LINGO2: variants seen among roughly 807,000 people sequenced by gnomAD.
LINGO2 encodes leucine-rich repeat and immunoglobulin-like domain-containing nogo receptor-interacting protein 2.
LINGO2 carries 14 observed loss-of-function variants against 30.6 expected under a neutral mutation model. That is an observed-to-expected ratio of 0.46 (90% CI 0.30 to 0.72). The LOEUF is 0.72. Among genes scored for constraint, LINGO2 ranks in the 30% least tolerant of loss-of-function variants. LINGO2 has a pLI of 0.07. For synonymous variants in LINGO2, 317 were observed against 288.5 expected (o/e 1.10, Z -1.00); for missense variants, 729 against 751.7 (o/e 0.97, Z 0.35).
At chr9:28,381,586 C>G (rs1821360988) in intron 2 of LINGO2, among the ~76,000 whole-genome samples, 1 of 151,600 alleles carries the variant, frequency 6.6e-6, no homozygotes. Flanking sequence ...GAATCAGCAC[C>G]ATCAATAAAA....
At chr9:27,958,264 G>T (rs1209995286) in intron 5 of LINGO2, among the ~76,000 whole-genome samples, 1 of 152,086 alleles carries the variant, frequency 6.6e-6, no homozygotes, top group African/African-American at 2.4e-5. Flanking sequence ...AATTTTTGAA[G>T]ATTAAACCAA....
the LINGO2 span, among the ~76,000 whole-genome samples, chr9:29,057,008 G>A: frequency 9.2e-5 from 14 of 151,964 alleles, no homozygotes; most frequent in South Asian, 6.2e-4. Flanking sequence ...GTATAAAGTC[G>A]GGTAATGTGA....
intron 5 of LINGO2, among the ~76,000 whole-genome samples, chr9:28,000,351 G>A (rs1205384422): frequency 2.0e-5 from 3 of 152,002 alleles, no homozygotes; most frequent in Non-Finnish European, 4.4e-5. Context: ...GAGCCACAGA[G>A]TGGTATTAAC....
At position 28,051,430 on chromosome 9, in the gene LINGO2, A is replaced by G. The variant is rs1824666940; in HGVS notation, c.-86-39025T>C. 3.3e-5 allele frequency among the ~76,000 whole-genome samples: 5 copies of G among 152,120 alleles called. No homozygotes were observed. The South Asian group carries it at 1.0e-3, about 31-fold the overall frequency. ...TCTGGAAACAATTCTAACAACTTTCATTTATTGACTACTTCTATGCACCAA... is the reference window on the plus strand; with the variant it reads ...TCTGGAAACAATTCTAACAACTTTCGTTTATTGACTACTTCTATGCACCAA... On this transcript the variant is annotated intron_variant, in intron 4 of 5. Transcript: ENST00000379992.
At chr9:28,803,507 A>T in the LINGO2 span, among the ~76,000 whole-genome samples, 2 of 151,906 alleles carry the variant, frequency 1.3e-5, no homozygotes, top group Admixed American at 1.3e-4. Context: ...TATGATATAA[A>T]TTTTTAATAT....
rs527839780 is a variant in LINGO2 at position 28,542,202 on chromosome 9, C to T, written c.-364-66177G>A. ...ATGGATGGAAATGGCCATACCTTTT[C>T]CACTCACTTATCAGGTGCTGGATGG... On this transcript the variant is annotated intron_variant, in intron 1 of 5. Transcript: ENST00000379992. Among the ~76,000 whole-genome samples the T allele has an allele frequency of 2.3e-4, 35 of 151,620 alleles. 1 individual carries two copies. The highest frequency in any genetic ancestry group is 7.9e-4 in the African/African-American group (33 of 41,530).
chr9:28,588,737 T>C (rs4242669), intron 1 of LINGO2, among the ~76,000 whole-genome samples: 2 of 151,916 alleles, frequency 1.3e-5, no homozygotes, highest in Non-Finnish European at 2.9e-5. Flanking sequence ...ATTTTATAGT[T>C]CCTTAAATCC....
At chr9:28,185,849 T>A (rs547572070) in intron 4 of LINGO2, among the ~76,000 whole-genome samples, 71 of 152,234 alleles carry the variant, frequency 4.7e-4, no homozygotes, top group African/African-American at 1.7e-3. Flanking sequence ...CTTTTATACT[T>A]TATAGTCTGA....
At chr9:29,091,044 G>T in the LINGO2 span, among the ~76,000 whole-genome samples, 1 of 151,938 alleles carries the variant, frequency 6.6e-6, no homozygotes, top group East Asian at 1.9e-4. Flanking sequence ...CCCAGTTAAG[G>T]TAATCATGAA....
intron 5 of LINGO2, among the ~76,000 whole-genome samples, chr9:27,993,417 A>G (rs1821496088): frequency 6.7e-6 from 1 of 149,872 alleles, no homozygotes. Context: ...TCATGCCTGT[A>G]ATCCCAACAT....
At chr9:28,024,703 A>C (rs1563921612) in intron 4 of LINGO2, among the ~76,000 whole-genome samples, 1 of 152,106 alleles carries the variant, frequency 6.6e-6, no homozygotes, top group Non-Finnish European at 1.5e-5. Context: ...CAATGTTCCA[A>C]AGTCATTGCA....
intron 2 of LINGO2, among the ~76,000 whole-genome samples, chr9:28,450,758 T>A (rs773707447): frequency 1.3e-5 from 2 of 152,040 alleles, no homozygotes; most frequent in Admixed American, 6.6e-5. Flanking sequence ...AAAAACATAA[T>A]CTTTACATTT....
chr9:28,079,355 G>A (rs1825712362), intron 4 of LINGO2, among the ~76,000 whole-genome samples: 1 of 152,140 alleles, frequency 6.6e-6, no homozygotes, highest in South Asian at 2.1e-4. Flanking sequence ...AAGACTCCAA[G>A]AATGTCTTGG....
chr9:27,974,659 A>G (rs1820511549), intron 5 of LINGO2, among the ~76,000 whole-genome samples: 1 of 152,172 alleles, frequency 6.6e-6, no homozygotes, highest in African/African-American at 2.4e-5. Context: ...CCTTCTGATT[A>G]CTGAATGGAC....
intron 1 of LINGO2, among the ~76,000 whole-genome samples, chr9:28,640,529 T>A (rs948143510): frequency 6.6e-6 from 1 of 150,964 alleles, no homozygotes. Flanking sequence ...TTTTTTTTTT[T>A]AATTGTTTTT....
intron 1 of LINGO2, among the ~76,000 whole-genome samples, chr9:28,632,849 ATATTTT>A (rs1563878936): frequency 6.9e-5 from 8 of 116,030 alleles, no homozygotes; most frequent in African/African-American, 2.9e-4. Flanking sequence ...AAATCTATAT[ATATTTT>A]TTATATATAT....
At chr9:29,126,002 A>G in the LINGO2 span, among the ~76,000 whole-genome samples, 3 of 152,134 alleles carry the variant, frequency 2.0e-5, no homozygotes, top group Non-Finnish European at 4.4e-5. Context: ...TAAATGGTAA[A>G]AACCAAATAT....
chr9:28,801,495 G>T, the LINGO2 span, among the ~76,000 whole-genome samples: 1 of 152,004 alleles, frequency 6.6e-6, no homozygotes, highest in African/African-American at 2.4e-5. Flanking sequence ...GCAAAAATGT[G>T]ACCTCAAAAT....
chr9:28,262,864 G>C (rs558460938), intron 4 of LINGO2, among the ~76,000 whole-genome samples: 1 of 152,086 alleles, frequency 6.6e-6, no homozygotes, highest in Admixed American at 6.6e-5. Flanking sequence ...CTGGGAGTAA[G>C]AGCAACTAAG....
Sources: allele counts gnomAD v4.1 joint callset (sites outside exome capture counted in the v4.1 genomes callset), GRCh38; gene constraint gnomAD v4.1.1; transcripts MANE v1.5; gene names NCBI Gene and HGNC (gene_info 2026-07-23, HGNC 2026-07-21).